Variants in MAP3K15 observed in about 807,000 individuals in gnomAD.
The protein encoded by MAP3K15 is MAPK/ERK kinase kinase 15.
A neutral mutation model predicts 99.5 loss-of-function variants in MAP3K15; 124 were observed. That is an observed-to-expected ratio of 1.25 (90% CI 1.08 to 1.45). The LOEUF (loss-of-function observed/expected upper bound fraction) is 1.45. Ranked by LOEUF, MAP3K15 falls within the 40% of genes most tolerant of loss-of-function variation. MAP3K15 has a pLI of 0.00. For missense variants in MAP3K15, 1,242 were observed against 1,079.7 expected, an observed-to-expected ratio of 1.15 and a Z score of -2.11; for synonymous variants, 494 against 439.6, an observed-to-expected ratio of 1.12 and a Z score of -1.55.
At position 19,400,685 on chromosome X, in the gene MAP3K15, A is replaced by G. The variant is rs959160261; in HGVS notation, c.1845-22T>C. 4 of 1,081,600 alleles carry G rather than the reference A, an allele frequency of 3.7e-6. No homozygotes were observed. In the African/African-American group the frequency reaches 7.3e-5, roughly 20 times the overall value. 89.1% of individuals were successfully genotyped at this position (1,081,600 alleles called of 1,213,427 possible). A position where few individuals can be genotyped will look rare whatever the true frequency, so the allele number is the denominator to read the frequency against. On this transcript the variant is annotated intron_variant, in intron 13 of 28. Coordinates refer to ENST00000338883, the MANE Select transcript of MAP3K15 (RefSeq NM_001001671.4). ...AAATCTAGAACAGCAAGTGTCACAA[A>G]TACGTTGCCAACTCAGAACTGCTCT...
At chrX:19,501,458 C>T (rs2064440029) in intron 1 of MAP3K15, among the ~76,000 whole-genome samples, 1 of 111,780 alleles carries the variant, frequency 8.9e-6, no homozygotes, top group Non-Finnish European at 1.9e-5. Context: ...GAGAAAGGTT[C>T]AGACCTAGAA....
intron 12 of MAP3K15, among the ~76,000 whole-genome samples, chrX:19,409,552 C>T (rs2063671700): frequency 9.0e-6 from 1 of 111,613 alleles, no homozygotes; most frequent in African/African-American, 3.3e-5. Flanking sequence ...TCACAAGACC[C>T]CAACCCGAGT....
chrX:19,421,394 C>T (rs1461799775), intron 9 of MAP3K15, among the ~76,000 whole-genome samples: 1 of 110,723 alleles, frequency 9.0e-6, no homozygotes, highest in Non-Finnish European at 1.9e-5. Flanking sequence ...AACAGACAAA[C>T]AGAGAGCCAA....
intron 6 of MAP3K15, among the ~76,000 whole-genome samples, chrX:19,441,918 A>C (rs763235975): frequency 1.8e-5 from 2 of 111,861 alleles, no homozygotes; most frequent in Non-Finnish European, 1.9e-5. Flanking sequence ...ATGTAAGGAG[A>C]CTGAGTTCAC....
chrX:19,496,214 G>A (rs924410996), intron 1 of MAP3K15, among the ~76,000 whole-genome samples: 4 of 109,587 alleles, frequency 3.7e-5, no homozygotes, highest in Admixed American at 9.9e-5. Context: ...CTACAGGTGT[G>A]CACCACCACG....
rs945667957 is a variant in MAP3K15, at chrX:19,372,819, T to C, written c.2942A>G (p.Asp981Gly). The change falls in exon 22 of 29, where the codon GAC becomes GGC. Residue 981 changes from aspartate to glycine, a missense_variant. Asp to Gly is a moderately conservative substitution (Grantham distance 94). Transcript: ENST00000338883. ...CCGGTCTTCCAAGGCTGAGCTCTCG[T>C]CTGGAACACTGTGGACAAACACGTG... ...HHLGHLLSVP[D>G]ESSALEDRGL... 5.8e-6 allele frequency: 7 copies of C among 1,205,539 alleles called. No individual in the cohort carries two copies. Among genetic ancestry groups the C allele is most frequent in the Non-Finnish European group, 7.8e-6 (7 of 892,781 alleles).
At chrX:19,367,723 A>ACTT (rs2063344451) in intron 25 of MAP3K15, among the ~76,000 whole-genome samples, 1 of 24,107 alleles carries the variant, frequency 4.1e-5, no homozygotes, top group African/African-American at 1.3e-4. Context: ...ATAACTATGG[A>ACTT]TTTTTTTTTT....
chrX:19,438,045 T>C (rs2063934797), intron 6 of MAP3K15, among the ~76,000 whole-genome samples: 1 of 112,241 alleles, frequency 8.9e-6, no homozygotes, highest in Non-Finnish European at 1.9e-5. Context: ...TTTAGAGGGA[T>C]AACTGCTTTA....
chrX:19,459,791 A>G (rs1223841352), intron 5 of MAP3K15, among the ~76,000 whole-genome samples, 194 bp downstream of exon 5: 1 of 112,265 alleles, frequency 8.9e-6, no homozygotes, highest in Non-Finnish European at 1.9e-5. Flanking sequence ...CTGAGGTTGC[A>G]GTGAGCCGAG....
chrX:19,452,811 C>T (rs747787968), intron 6 of MAP3K15, among the ~76,000 whole-genome samples: 4 of 111,737 alleles, frequency 3.6e-5, no homozygotes, highest in African/African-American at 6.5e-5. Flanking sequence ...AATACCAATG[C>T]GTAAACTTTC....
At chrX:19,373,208 G>T (rs2063390267) in intron 21 of MAP3K15, 1 of 198,844 alleles carries the variant, frequency 5.0e-6, no homozygotes, top group Admixed American at 7.5e-5. Flanking sequence ...GCCGGAAGAT[G>T]CAGGGACAGA....
At chrX:19,399,761 A>C (rs188419921) in intron 14 of MAP3K15, among the ~76,000 whole-genome samples, 12,788 of 105,174 alleles carry the variant, frequency 0.12, 1,510 homozygotes, top group African/African-American at 0.34. Flanking sequence ...AAAAAAAAAA[A>C]AAAAACATGG....
intron 13 of MAP3K15, among the ~76,000 whole-genome samples, chrX:19,406,668 A>G (rs781370389): frequency 8.9e-6 from 1 of 112,738 alleles, no homozygotes; most frequent in African/African-American, 3.2e-5. Flanking sequence ...TGTTGGTTGG[A>G]AAACTATGAC....
chrX:19,478,752 T>C (rs1404932077), intron 3 of MAP3K15, among the ~76,000 whole-genome samples: 2 of 45,494 alleles, frequency 4.4e-5, no homozygotes, highest in Non-Finnish European at 7.4e-5. Context: ...ACGTGTTTTT[T>C]AATAAGGTTT....
intron 3 of MAP3K15, among the ~76,000 whole-genome samples, chrX:19,480,819 A>C (rs1228119580): frequency 9.8e-6 from 1 of 101,531 alleles, no homozygotes; most frequent in African/African-American, 3.6e-5. Context: ...CTCTGTCTCA[A>C]AAAAAAAAAA....
intron 1 of MAP3K15, among the ~76,000 whole-genome samples, chrX:19,504,622 T>C (rs931451980): frequency 9.0e-6 from 1 of 111,726 alleles, no homozygotes; most frequent in African/African-American, 3.2e-5. Flanking sequence ...AATATCACTG[T>C]CAGATAAAAA....
chrX:19,460,239 G>T, intron 4 of MAP3K15, 86 bp from the exon 5 acceptor site: 1 of 688,864 alleles, frequency 1.5e-6, no homozygotes, highest in Non-Finnish European at 2.0e-6. Context: ...TCATTGACCT[G>T]ACTTAGGCTA....
intron 18 of MAP3K15, among the ~76,000 whole-genome samples, chrX:19,382,774 G>C (rs750996372): frequency 1.8e-5 from 2 of 112,032 alleles, no homozygotes; most frequent in African/African-American, 6.5e-5. Flanking sequence ...TCTTGCTGCT[G>C]TAACAGAGGG....
intron 3 of MAP3K15, among the ~76,000 whole-genome samples, chrX:19,468,633 GT>G (rs1156743700): frequency 8.9e-6 from 1 of 111,951 alleles, no homozygotes; most frequent in Non-Finnish European, 1.9e-5. Context: ...CTTTAAAGTA[GT>G]TTTTTCCAAT....
Sources: gnomAD v4.1 joint callset for allele counts (sites outside exome capture counted in the v4.1 genomes callset) on GRCh38, gnomAD v4.1.1 for gene constraint, MANE v1.5 for transcripts, NCBI Gene and HGNC (gene_info 2026-07-23, HGNC 2026-07-21) for gene names.